MLLT10: variants seen among roughly 807,000 people sequenced by gnomAD.
MLLT10 encodes MLLT10 histone lysine methyltransferase DOT1L cofactor.
Under a neutral mutation model 129.1 loss-of-function variants are expected in MLLT10, and 30 were observed. That is an observed-to-expected ratio of 0.23 (90% CI 0.17 to 0.32). MLLT10 has a LOEUF of 0.32. MLLT10 is among the 10% of genes least tolerant of loss of function. The pLI, the probability that MLLT10 is intolerant of heterozygous loss-of-function variation, is 1.00. For synonymous variants in MLLT10, 490 were observed against 446.4 expected (o/e 1.10, Z -1.23); for missense variants, 1,119 against 1,268.3 (o/e 0.88, Z 1.79).
chr10:21,702,584 TTGC>T (rs1362201461), intron 13 of MLLT10, among the ~76,000 whole-genome samples: 1 of 152,218 alleles, frequency 6.6e-6, no homozygotes, highest in Non-Finnish European at 1.5e-5. Context: ...TTAGTAATAT[TTGC>T]TTTCTGAATC....
At chr10:21,554,424 G>A (rs1404411376) in intron 3 of MLLT10, among the ~76,000 whole-genome samples, 2 of 150,992 alleles carry the variant, frequency 1.3e-5, no homozygotes, top group African/African-American at 4.9e-5. Context: ...GATTATGGGC[G>A]TGCCACTACT....
At chr10:21,686,563 C>G (rs992850681) in intron 13 of MLLT10, among the ~76,000 whole-genome samples, 2 of 152,106 alleles carry the variant, frequency 1.3e-5, no homozygotes, top group Admixed American at 1.3e-4. Flanking sequence ...ACACCAATTT[C>G]AAAAGTTTAT....
At chr10:21,606,537 A>T (rs2044090220) in intron 5 of MLLT10, among the ~76,000 whole-genome samples, 1 of 152,210 alleles carries the variant, frequency 6.6e-6, no homozygotes, top group South Asian at 2.1e-4. Context: ...CAAAATATCA[A>T]CATGAACCGG....
At chr10:21,681,983 G>A (rs369460818) in intron 12 of MLLT10, among the ~76,000 whole-genome samples, 13 of 152,124 alleles carry the variant, frequency 8.5e-5, no homozygotes, top group South Asian at 4.1e-4. Flanking sequence ...AATTATTGTC[G>A]TTATGACAAT....
chr10:21,687,130 C>T (rs563215146), intron 13 of MLLT10, among the ~76,000 whole-genome samples: 2 of 152,292 alleles, frequency 1.3e-5, no homozygotes, highest in African/African-American at 4.8e-5. Context: ...ACTGCGCTCA[C>T]TAAACAAATA....
chr10:21,699,344 C>G lies in MLLT10; in HGVS notation c.1700-14428C>G, dbSNP rs976283486. On this transcript the variant is annotated intron_variant, in intron 13 of 22. Coordinates refer to ENST00000307729, the MANE Select transcript of MLLT10 (RefSeq NM_001195626.3). ...TTTTCTCCTATTCAACAGTTTGTCT[C>G]CCTCCTCTGTTGATTATGTCTTTTG... Among the ~76,000 whole-genome samples, 5 of 151,596 alleles carry G rather than the reference C, an allele frequency of 3.3e-5. No homozygotes were observed. In the South Asian group the frequency reaches 1.0e-3, roughly 32 times the overall value.
At chr10:21,647,736 A>G (rs1243190) in intron 8 of MLLT10, among the ~76,000 whole-genome samples, 93,424 of 151,692 alleles carry the variant, frequency 0.62, 29,862 homozygotes, top group African/African-American at 0.78. Flanking sequence ...GTCCAATGGC[A>G]TATGTATTTT....
intron 10 of MLLT10, among the ~76,000 whole-genome samples, chr10:21,671,632 A>G (rs946768677): frequency 1.3e-5 from 2 of 152,210 alleles, no homozygotes; most frequent in African/African-American, 4.8e-5. Context: ...TAAAAAATAC[A>G]AAATTAGCCA....
chr10:21,590,129 C>T (rs79397248), intron 4 of MLLT10, among the ~76,000 whole-genome samples: 17 of 151,948 alleles, frequency 1.1e-4, no homozygotes, highest in East Asian at 1.9e-4. Flanking sequence ...TGTAGAGACA[C>T]GTCGTCTCAC....
At chr10:21,685,671 A>T (rs1336646945) in intron 13 of MLLT10, among the ~76,000 whole-genome samples, 2 of 152,178 alleles carry the variant, frequency 1.3e-5, no homozygotes, top group African/African-American at 4.8e-5. Context: ...AGCATTTCAA[A>T]ATAATATTAA....
chr10:21,556,712 G>C (rs779274197), intron 3 of MLLT10: 2 of 1,612,386 alleles, frequency 1.2e-6, no homozygotes, highest in South Asian at 1.1e-5. Flanking sequence ...ACATCACTGC[G>C]CATGTGCATC....
chr10:21,629,325 G>A (rs2046784588), intron 8 of MLLT10, among the ~76,000 whole-genome samples: 2 of 151,572 alleles, frequency 1.3e-5, no homozygotes, highest in South Asian at 4.2e-4. Flanking sequence ...TGTTTTTAAG[G>A]TTTTTTTGAG....
At chr10:21,673,301 T>TCGCC in intron 10 of MLLT10, 49 bp from the exon 11 acceptor site, 1 of 237,942 alleles carries the variant, frequency 4.2e-6, no homozygotes, top group Non-Finnish European at 6.5e-6. Flanking sequence ...AATTTTTCTG[T>TCGCC]CCCCCCCACC....
At chr10:21,688,252 A>G (rs978170708) in intron 13 of MLLT10, among the ~76,000 whole-genome samples, 10 of 152,204 alleles carry the variant, frequency 6.6e-5, no homozygotes, top group Non-Finnish European at 1.2e-4. Context: ...AGCAGTACAA[A>G]TGGGAATGAG....
chr10:21,689,376 A>G (rs1484217698), intron 13 of MLLT10, among the ~76,000 whole-genome samples: 1 of 151,682 alleles, frequency 6.6e-6, no homozygotes, highest in Non-Finnish European at 1.5e-5. Flanking sequence ...AATTGCTTTC[A>G]GCTGAAGGAA....
chr10:21,587,538 G>T (rs1349018806), intron 4 of MLLT10, among the ~76,000 whole-genome samples: 1 of 151,056 alleles, frequency 6.6e-6, no homozygotes, highest in Admixed American at 6.6e-5. Flanking sequence ...CTTTGTCAGA[G>T]AAATCATATT....
chr10:21,609,478 C>G (rs1466292996), intron 5 of MLLT10, among the ~76,000 whole-genome samples: 1 of 152,146 alleles, frequency 6.6e-6, no homozygotes, highest in East Asian at 1.9e-4. Flanking sequence ...TTGATTGATG[C>G]ATTTGTATTT....
intron 3 of MLLT10, among the ~76,000 whole-genome samples, chr10:21,568,181 T>C (rs2039810509): frequency 6.6e-6 from 1 of 152,162 alleles, no homozygotes; most frequent in African/African-American, 2.4e-5. Context: ...ACTTCTTCCA[T>C]TCCAGGAGTA....
intron 21 of MLLT10, among the ~76,000 whole-genome samples, chr10:21,736,135 T>TTGCTGCTA (rs1287532982): frequency 6.6e-6 from 1 of 152,190 alleles, no homozygotes; most frequent in Non-Finnish European, 1.5e-5. Context: ...AGGATTAGTT[T>TTGCTGCTA]TGCTGCTATA....
Sources: allele counts gnomAD v4.1 joint callset (sites outside exome capture counted in the v4.1 genomes callset), GRCh38; gene constraint gnomAD v4.1.1; transcripts MANE v1.5; gene names NCBI Gene and HGNC (gene_info 2026-07-23, HGNC 2026-07-21).